The following ASB18 variants were observed in gnomAD, a reference collection of about 807,000 sequenced individuals.
ASB18 encodes ankyrin repeat and SOCS box containing 18, also known as ankyrin repeat and SOCS box protein 18.
Under a neutral mutation model 33.4 loss-of-function variants are expected in ASB18, and 33 were observed. The ratio of observed to expected loss-of-function variants is 0.99; its 90% CI spans 0.75 to 1.32. The LOEUF (loss-of-function observed/expected upper bound fraction) is 1.32. Among genes scored for constraint, ASB18 ranks in the 40% most tolerant of loss-of-function variants. The probability of loss-of-function intolerance (pLI) is 0.00; values close to 1 mark genes in which losing one functional copy is unlikely to be tolerated. For missense variants in ASB18, 694 were observed against 655.5 expected, an observed-to-expected ratio of 1.06 and a Z score of -0.64; for synonymous variants, 295 against 307.6, an observed-to-expected ratio of 0.96 and a Z score of 0.43.
rs2106266789 is a variant in ASB18, at chr2:236,209,829, TG to T, written c.1101+4532del. On this transcript the variant is annotated intron_variant, in intron 4 of 5. Coordinates refer to ENST00000409749, the MANE Select transcript of ASB18 (RefSeq NM_212556.4). This position sits in a 1 kb window ranked among gnomAD's most constrained non-coding sequence, Gnocchi z 4.4. ...CTAGTCTCAACTGGTGCCCCCTAGC[TG>T]TTTCCTCTCCAACGACTAGCTCATT... Among the ~76,000 whole-genome samples the T allele has an allele frequency of 6.6e-6, 1 of 152,352 alleles. No homozygotes were observed. Among genetic ancestry groups the T allele is most frequent in the African/African-American group, 2.4e-5 (1 of 41,594 alleles).
chr2:236,196,351 A>G lies in ASB18; in HGVS notation c.1136T>C (p.Ile379Thr), dbSNP rs1041375398. The change falls in exon 5 of 6, where the codon ATC becomes ACC. Residue 379 changes from isoleucine to threonine, a missense_variant. Ile to Thr is a moderately conservative substitution (Grantham distance 89, BLOSUM62 -1). Transcript: ENST00000409749. This position sits in a 1 kb window ranked among gnomAD's most constrained non-coding sequence, Gnocchi z 5.6. The stretch of plus-strand genomic sequence containing the variant: ...AGGGTAGGAGTTGAAAAGCACCTCG[A>G]TGACTGCGGGGACAGATGCACAGGT... ...LKTCASVPAVIEVLFNSYPQL... is the reference protein window; with the variant it reads ...LKTCASVPAVTEVLFNSYPQL... 1 of 1,567,926 alleles carries G rather than the reference A, an allele frequency of 6.4e-7. No individual in the cohort carries two copies. Among genetic ancestry groups the G allele is most frequent in the South Asian group, 1.2e-5 (1 of 85,060 alleles).
At chr2:236,233,205 A>G (rs1030581701) in intron 3 of ASB18, among the ~76,000 whole-genome samples, 13 of 152,156 alleles carry the variant, frequency 8.5e-5, no homozygotes, top group Non-Finnish European at 1.6e-4. Flanking sequence ...TTATCTCCAT[A>G]TATGTAGAAA....
chr2:236,264,271 A>G lies in ASB18; in HGVS notation c.75T>C (p.Asp25=), dbSNP rs910719893. ...DLVKRLKSAL[D]AKDEERVRDL... ...CCCTCACTCTCTCCTCATCTTTGGC[A>G]TCCAGGGCAGACTTTAATCTCTTCA... The change falls in exon 1 of 6, where the codon GAT becomes GAC. Residue 25 remains aspartate, a synonymous_variant. Transcript: ENST00000409749. This position sits in a 1 kb window ranked among gnomAD's most constrained non-coding sequence, Gnocchi z 5.1. 1.2e-6 allele frequency: 2 copies of G among 1,614,020 alleles called. No individual in the cohort carries two copies. Among genetic ancestry groups the G allele is most frequent in the African/African-American group, 2.7e-5 (2 of 75,060 alleles).
intron 3 of ASB18, among the ~76,000 whole-genome samples, chr2:236,232,707 C>CA (rs569011872): frequency 8.3e-4 from 126 of 151,862 alleles, no homozygotes; most frequent in African/African-American, 3.0e-3. Flanking sequence ...TTAGAAAATA[C>CA]AAACTATTAA....
rs1440818698 is a variant in ASB18 at position 236,226,647 on chromosome 2, T to C, written c.596+11042A>G. ...CATATGGCCTCAGCTCCTTATGGTG[T>C]CCAAATGTAAGCTTGTTGGCGTCTC... On this transcript the variant is annotated intron_variant, in intron 3 of 5. Transcript: ENST00000409749. This position sits in a 1 kb window ranked among gnomAD's most constrained non-coding sequence, Gnocchi z 4.8. 6.6e-6 allele frequency among the ~76,000 whole-genome samples: 1 copy of C among 152,192 alleles called. No homozygotes were observed. Among genetic ancestry groups the C allele is most frequent in the East Asian group, 1.9e-4 (1 of 5,198 alleles).
Position 236,237,983 on chromosome 2 carries a change from G to T in ASB18, c.329-27C>A. 1 of 1,463,638 alleles carries T rather than the reference G, an allele frequency of 6.8e-7. No individual in the cohort carries two copies. Among genetic ancestry groups the T allele is most frequent in the Non-Finnish European group, 9.0e-7 (1 of 1,117,302 alleles). The allele number at this position is 1,463,638 out of a possible 1,614,324, so 90.7% of individuals were successfully genotyped here. A position where few individuals can be genotyped will look rare whatever the true frequency, so the allele number is the denominator to read the frequency against. On this transcript the variant is annotated intron_variant, in intron 2 of 5. Transcript: ENST00000409749. This position sits in a 1 kb window ranked among gnomAD's most constrained non-coding sequence, Gnocchi z 6.2. ...TGCGGGGAGGGAGGTGGGATGTAAG[G>T]TCAGGGGGAGGTTAGTTGTGGTGGT...
Position 236,208,911 on chromosome 2 carries a change from C to T in ASB18, c.1101+5451G>A, listed in dbSNP as rs953786831. On this transcript the variant is annotated intron_variant, in intron 4 of 5. Transcript: ENST00000409749. This position sits in a 1 kb window ranked among gnomAD's most constrained non-coding sequence, Gnocchi z 7.7. ...ACCACACTCTCTTCAGCTAATGAGG[C>T]GGCAGAAAGAAAATTAAGGGGAAAA... Among the ~76,000 whole-genome samples, 3 of 152,140 alleles carry T rather than the reference C, an allele frequency of 2.0e-5. No individual in the cohort carries two copies. The highest frequency in any genetic ancestry group is 2.9e-5 in the Non-Finnish European group (2 of 68,040).
chr2:236,197,161 T>G (rs1387058166), intron 4 of ASB18, among the ~76,000 whole-genome samples: 1 of 152,182 alleles, frequency 6.6e-6, no homozygotes, highest in African/African-American at 2.4e-5. Context: ...TTATCTGTAT[T>G]TCAGTGCATC....
chr2:236,207,770 C>A (rs1361519658), intron 4 of ASB18, among the ~76,000 whole-genome samples: 1 of 151,846 alleles, frequency 6.6e-6, no homozygotes, highest in Non-Finnish European at 1.5e-5. Context: ...CCGATTTTCA[C>A]ATCTGCACTT....
chr2:236,250,422 C>T lies in ASB18; in HGVS notation c.206-9020G>A, dbSNP rs1313030034. On this transcript the variant is annotated intron_variant, in intron 1 of 5. Transcript: ENST00000409749. This position sits in a 1 kb window ranked among gnomAD's most constrained non-coding sequence, Gnocchi z 4.1. ...AGGTCATTGGCAAATGTCTGGCTTCCTTCTGGAAGTGTCCAAGTGGACAGA... is the reference window on the plus strand; with the variant it reads ...AGGTCATTGGCAAATGTCTGGCTTCTTTCTGGAAGTGTCCAAGTGGACAGA... 1.3e-5 allele frequency: 2 copies of T among 152,248 alleles called. No homozygotes were observed. The highest frequency in any genetic ancestry group is 3.8e-4 in the East Asian group (2 of 5,206). The allele number at this position is 152,248 out of a possible 1,614,324, so 9.4% of individuals were successfully genotyped here.
rs1372694317 is a variant in ASB18, at chr2:236,253,070, C to T, written c.205+11071G>A. 2.0e-5 allele frequency among the ~76,000 whole-genome samples: 3 copies of T among 152,192 alleles called. No individual in the cohort carries two copies. The highest frequency in any genetic ancestry group is 4.1e-4 in the South Asian group (2 of 4,830). ...TGGCGTCAAGGATCCCCACCGTCCT[C>T]GCCAGCCTGGCTTTCTAGATGTTGA... is the stretch of plus-strand genomic sequence containing the variant. On this transcript the variant is annotated intron_variant, in intron 1 of 5. Transcript: ENST00000409749. This position sits in a 1 kb window ranked among gnomAD's most constrained non-coding sequence, Gnocchi z 5.4.
rs1412934447 is a variant in ASB18, at chr2:236,241,576, G to A, written c.206-174C>T. On this transcript the variant is annotated intron_variant, in intron 1 of 5. Transcript: ENST00000409749. This position sits in a 1 kb window ranked among gnomAD's most constrained non-coding sequence, Gnocchi z 4.2. ...CAGGAACGGGAAAGATGGTCTTATG[G>A]AGTGTGAGCTATTTCTATTGTCATT... The A allele has an allele frequency of 1.3e-6, 1 of 749,748 alleles. No individual in the cohort carries two copies. The highest frequency in any genetic ancestry group is 2.3e-6 in the Non-Finnish European group (1 of 432,548). The allele number at this position is 749,748 out of a possible 1,614,324, so 46.4% of individuals were successfully genotyped here.
At chr2:236,207,045 C>T (rs2106265661) in intron 4 of ASB18, among the ~76,000 whole-genome samples, 1 of 152,320 alleles carries the variant, frequency 6.6e-6, no homozygotes, top group Non-Finnish European at 1.5e-5. Context: ...TGGTTTCTTT[C>T]TTCCTCCACA....
chr2:236,214,977 T>A lies in ASB18; in HGVS notation c.597-111A>T. ...GTGACCTCTGAATGAAAAGACATGC[T>A]CCGCTCTCCCATACCAAGGCGTCAG... On this transcript the variant is annotated intron_variant, in intron 3 of 5. Coordinates refer to ENST00000409749, the MANE Select transcript of ASB18 (RefSeq NM_212556.4). This position sits in a 1 kb window ranked among gnomAD's most constrained non-coding sequence, Gnocchi z 6.5. 6.7e-6 allele frequency: 4 copies of A among 592,904 alleles called. No homozygotes were observed. The highest frequency in any genetic ancestry group is 6.5e-6 in the Non-Finnish European group (3 of 460,938). 36.7% of individuals were successfully genotyped at this position (592,904 alleles called of 1,614,324 possible).
At chr2:236,197,898 T>C (rs2060381878) in intron 4 of ASB18, among the ~76,000 whole-genome samples, 1 of 152,224 alleles carries the variant, frequency 6.6e-6, no homozygotes, top group South Asian at 2.1e-4. Flanking sequence ...CTCTCTCTTT[T>C]TGAGGTCTAA....
rs374319025 is a variant in ASB18 at position 236,214,841 on chromosome 2, C to G, written c.622G>C (p.Gly208Arg). The G allele has an allele frequency of 1.4e-5, 17 of 1,212,868 alleles. No individual in the cohort carries two copies. In the South Asian group the frequency reaches 4.6e-4, roughly 33 times the overall value. The allele number at this position is 1,212,868 out of a possible 1,614,324, so 75.1% of individuals were successfully genotyped here. A position where few individuals can be genotyped will look rare whatever the true frequency, so the allele number is the denominator to read the frequency against. ...CCGCCCACGCGCTGCACCGAGGCCC[C>G]GTGCTCCAGCAGCGCCTGCGCGCAC... ...LGCAQALLEH[G>R]ASVQRVGGTG... The change falls in exon 4 of 6, where the codon GGG (glycine) becomes CGG (arginine). Residue 208 changes from glycine (G) to arginine (R), a missense_variant. Physicochemically the swap from Gly to Arg is moderately radical, Grantham distance 125. Transcript: ENST00000409749. This position sits in a 1 kb window ranked among gnomAD's most constrained non-coding sequence, Gnocchi z 6.5.
At chr2:236,206,193 T>G (rs993363863) in intron 4 of ASB18, among the ~76,000 whole-genome samples, 2 of 149,692 alleles carry the variant, frequency 1.3e-5, no homozygotes, top group East Asian at 1.9e-4. Context: ...TTCTTGGGTT[T>G]TTTTTTTTTT....
Position 236,259,843 on chromosome 2 carries a change from C to G in ASB18, c.205+4298G>C, listed in dbSNP as rs1465356534. On this transcript the variant is annotated intron_variant, in intron 1 of 5. Transcript: ENST00000409749. The surrounding 1 kb of genome is among the most constrained non-coding windows in gnomAD (Gnocchi z 4.4). ...GCAGGGTATGTTCTGTGCTTTCCCCCAATGTCTGCTGGGGCTAAAATTTTC... is the reference window on the plus strand; with the variant it reads ...GCAGGGTATGTTCTGTGCTTTCCCCGAATGTCTGCTGGGGCTAAAATTTTC... Among the ~76,000 whole-genome samples, 3 of 152,252 alleles carry G rather than the reference C, an allele frequency of 2.0e-5. No individual in the cohort carries two copies. The highest frequency in any genetic ancestry group is 4.4e-5 in the Non-Finnish European group (3 of 68,044).
Position 236,252,267 on chromosome 2 carries a change from TCACACACACACACACACACACACA to T in ASB18, c.206-10889_206-10866del, listed in dbSNP as rs113672805. Among the ~76,000 whole-genome samples the T allele has an allele frequency of 7.2e-6, 1 of 138,580 alleles. No individual in the cohort carries two copies. Among genetic ancestry groups the T allele is most frequent in the Non-Finnish European group, 1.6e-5 (1 of 63,826 alleles). 90.9% of individuals were successfully genotyped at this position (138,580 alleles called of 152,430 possible). A position where few individuals can be genotyped will look rare whatever the true frequency, so the allele number is the denominator to read the frequency against. On this transcript the variant is annotated intron_variant, in intron 1 of 5. Coordinates refer to ENST00000409749, the MANE Select transcript of ASB18 (RefSeq NM_212556.4). The surrounding 1 kb of genome is among the most constrained non-coding windows in gnomAD (Gnocchi z 7.9). ...GCCTTGGCAACAGAGTGAGACTCCG[TCACACACACACACACACACACACA>T]CACACACACACACACACAGTAGAAA... is the stretch of plus-strand genomic sequence containing the variant.
Sources: gnomAD v4.1 joint callset for allele counts (sites outside exome capture counted in the v4.1 genomes callset) on GRCh38, gnomAD v4.1.1 for gene constraint, Gnocchi (gnomAD v3.1) non-coding constraint, MANE v1.5 for transcripts, NCBI Gene and HGNC (gene_info 2026-07-23, HGNC 2026-07-21) for gene names.